The following CHODL variants were observed in gnomAD, a reference collection of about 807,000 sequenced individuals.
CHODL encodes transmembrane protein MT75.
CHODL carries 29 observed loss-of-function variants against 34.5 expected under a neutral mutation model. The observed-to-expected ratio is 0.84, with a 90% CI of 0.63 to 1.15. The LOEUF is 1.15. CHODL is among the 50% of genes most tolerant of loss of function. The pLI is 0.00. For missense variants in CHODL, 332 were observed against 332.5 expected, an observed-to-expected ratio of 1.00 and a Z score of 0.01; for synonymous variants, 125 against 116.1, an observed-to-expected ratio of 1.08 and a Z score of -0.49.
chr21:18,099,584 C>A (rs1451145473), intron 2 of CHODL, among the ~76,000 whole-genome samples: 1 of 151,898 alleles, frequency 6.6e-6, no homozygotes, highest in African/African-American at 2.4e-5. Context: ...AAAAGCCATC[C>A]AATAAAGAGA....
intron 2 of CHODL, among the ~76,000 whole-genome samples, chr21:18,069,990 TTCCC>T (rs2064778319): frequency 1.8e-5 from 1 of 54,304 alleles, no homozygotes; most frequent in African/African-American, 5.9e-5. Context: ...TTTCTTTCCC[TTCCC>T]TTCCCTTCCC....
upstream of CHODL, among the ~76,000 whole-genome samples, chr21:18,243,570 A>ATTTT: frequency 6.7e-6 from 1 of 149,498 alleles, no homozygotes. Context: ...TTGAGACAGG[A>ATTTT]TTTTGCATGT....
At chr21:18,082,381 G>C (rs906352444) in intron 2 of CHODL, among the ~76,000 whole-genome samples, 1 of 152,188 alleles carries the variant, frequency 6.6e-6, no homozygotes, top group African/African-American at 2.4e-5. Flanking sequence ...CTTTATAGAA[G>C]TGTGAAAATT....
intron 1 of CHODL, among the ~76,000 whole-genome samples, chr21:17,951,301 G>GT (rs1448706787): frequency 1.3e-5 from 2 of 152,126 alleles, no homozygotes; most frequent in African/African-American, 2.4e-5. Flanking sequence ...ATCTGCATTG[G>GT]TATAGGTAGG....
At position 18,032,476 on chromosome 21, in the gene CHODL, G is replaced by A. The variant is rs117440388; in HGVS notation, c.-45+4505G>A. ...ATCACTAGGGAGTCATTGGAGATTAGTGCCACAATACAATATTTGAAAGAT... is the reference window on the plus strand; with the variant it reads ...ATCACTAGGGAGTCATTGGAGATTAATGCCACAATACAATATTTGAAAGAT... On this transcript the variant is annotated intron_variant, in intron 2 of 6. Transcript: ENST00000400127. Among the ~76,000 whole-genome samples the A allele has an allele frequency of 6.8e-3, 1,039 of 152,086 alleles. 9 individuals are homozygous for A. Among genetic ancestry groups the A allele is most frequent in the Non-Finnish European group, 0.011 (729 of 67,942 alleles).
chr21:18,117,238 T>C (rs1305905730), intron 2 of CHODL, among the ~76,000 whole-genome samples: 1 of 152,206 alleles, frequency 6.6e-6, no homozygotes, highest in Admixed American at 6.5e-5. Flanking sequence ...CCTCAGCCCT[T>C]GGGATGGCTG....
chr21:18,102,803 T>C (rs1017917045), intron 2 of CHODL, among the ~76,000 whole-genome samples: 7 of 152,184 alleles, frequency 4.6e-5, no homozygotes, highest in Admixed American at 3.9e-4. Flanking sequence ...AGTAGCAAGA[T>C]AGCACTCTTT....
At chr21:18,085,746 A>C (rs778600937) in intron 2 of CHODL, among the ~76,000 whole-genome samples, 1 of 152,184 alleles carries the variant, frequency 6.6e-6, no homozygotes, top group Admixed American at 6.5e-5. Flanking sequence ...GATTTCCTTT[A>C]TAGGTGACTA....
At chr21:17,941,620 A>G (rs1426552423) in intron 1 of CHODL, among the ~76,000 whole-genome samples, 1 of 152,188 alleles carries the variant, frequency 6.6e-6, no homozygotes, top group East Asian at 1.9e-4. Context: ...ATGACATCAA[A>G]TGAATGGATA....
chr21:18,225,014 T>C (rs1033535361), intron 2 of CHODL, among the ~76,000 whole-genome samples: 8 of 152,114 alleles, frequency 5.3e-5, no homozygotes, highest in Non-Finnish European at 1.2e-4. Context: ...ATAGAGAAGG[T>C]GATTTTTCAA....
At chr21:18,108,861 GTGTGTGTGTGTTTC>G (rs1193368443) in intron 2 of CHODL, among the ~76,000 whole-genome samples, 2 of 151,814 alleles carry the variant, frequency 1.3e-5, no homozygotes, top group Non-Finnish European at 2.9e-5. Flanking sequence ...GTGTGTGTGT[GTGTGTGTGTGTTTC>G]TTCTAACTTT....
Position 18,128,339 on chromosome 21 carries a change from A to AAAGAAG in CHODL, c.-45+100383_-45+100388dup, listed in dbSNP as rs1436319679. Among the ~76,000 whole-genome samples the AAAGAAG allele has an allele frequency of 3.7e-3, 452 of 122,992 alleles. 16 individuals are homozygous for AAAGAAG. The East Asian group carries it at 0.079, about 21-fold the overall frequency. The allele number at this position is 122,992 out of a possible 152,430, so 80.7% of individuals were successfully genotyped here. On this transcript the variant is annotated intron_variant, in intron 2 of 6. Coordinates refer to the CHODL transcript ENST00000400127. ...AAAAAAAAAAAAAAAAAAAAAAAAA[A>AAAGAAG]AAGAAGAAGAAGAAGAAGAACCTAA...
intron 2 of CHODL, among the ~76,000 whole-genome samples, chr21:18,202,533 A>T (rs2073666481): frequency 6.6e-6 from 1 of 152,200 alleles, no homozygotes; most frequent in Non-Finnish European, 1.5e-5. Flanking sequence ...GGCTGTCTAC[A>T]AGCAAGGAAG....
intron 2 of CHODL, among the ~76,000 whole-genome samples, chr21:18,213,783 T>C (rs1438469091): frequency 6.6e-6 from 1 of 152,140 alleles, no homozygotes; most frequent in Non-Finnish European, 1.5e-5. Context: ...ATCTATAAAA[T>C]TGAGGCAGCA....
intron 1 of CHODL, among the ~76,000 whole-genome samples, chr21:17,933,752 A>C (rs2063296081): frequency 6.6e-6 from 1 of 152,186 alleles, no homozygotes; most frequent in African/African-American, 2.4e-5. Context: ...TACAGAAAGA[A>C]ATAGTAGGCC....
chr21:17,985,193 T>A (rs1325684920), intron 1 of CHODL, among the ~76,000 whole-genome samples: 2 of 152,186 alleles, frequency 1.3e-5, no homozygotes, highest in African/African-American at 4.8e-5. Flanking sequence ...TATTACTATA[T>A]TTTTTCAACT....
At chr21:18,146,245 G>A (rs1459370478) in intron 2 of CHODL, among the ~76,000 whole-genome samples, 3 of 151,644 alleles carry the variant, frequency 2.0e-5, no homozygotes, top group Non-Finnish European at 4.4e-5. Context: ...CCAAAGTGCT[G>A]GGATTACAGG....
At chr21:17,936,288 G>A (rs1476701128) in intron 1 of CHODL, among the ~76,000 whole-genome samples, 1 of 152,110 alleles carries the variant, frequency 6.6e-6, no homozygotes, top group Non-Finnish European at 1.5e-5. Context: ...GATGGGTTAC[G>A]AGGTACAAAG....
chr21:18,172,458 T>G (rs1289086743), intron 2 of CHODL, among the ~76,000 whole-genome samples: 1 of 152,218 alleles, frequency 6.6e-6, no homozygotes, highest in East Asian at 1.9e-4. Flanking sequence ...TATATCTAAC[T>G]TTATTGTACA....
Sources: allele counts gnomAD v4.1 joint callset (sites outside exome capture counted in the v4.1 genomes callset), GRCh38; gene constraint gnomAD v4.1.1; transcripts MANE v1.5; gene names NCBI Gene and HGNC (gene_info 2026-07-23, HGNC 2026-07-21).